The following USP40 variants were observed in gnomAD, a reference collection of about 807,000 sequenced individuals.
USP40 encodes the protein ubiquitin specific peptidase 40.
In USP40, 143 loss-of-function variants were observed where a neutral mutation model predicts 166.2. The ratio of observed to expected loss-of-function variants is 0.86; its 90% CI spans 0.75 to 0.99. USP40 has a LOEUF of 0.99. USP40 is among the 50% of genes least tolerant of loss of function. USP40 has a pLI of 0.00. For missense variants in USP40, 1,444 were observed against 1,479.7 expected (o/e 0.98, Z 0.40); for synonymous variants, 498 against 524.0 (o/e 0.95, Z 0.68).
chr2:233,564,384 G>A (rs1046610951), intron 2 of USP40, among the ~76,000 whole-genome samples: 1 of 152,144 alleles, frequency 6.6e-6, no homozygotes, highest in Non-Finnish European at 1.5e-5. Context: ...AGGGCCAGGT[G>A]AAGGCAAAGT....
chr2:233,487,322 G>T (rs1042491190), intron 28 of USP40, among the ~76,000 whole-genome samples: 3 of 152,156 alleles, frequency 2.0e-5, no homozygotes, highest in Admixed American at 6.5e-5. Flanking sequence ...ATACCTAGAC[G>T]ATGAAATAGT....
intron 27 of USP40, 83 bp downstream of exon 27, chr2:233,489,282 A>G: frequency 7.7e-7 from 1 of 1,301,884 alleles, no homozygotes; most frequent in Non-Finnish European, 1.1e-6. Flanking sequence ...TCAGCTCAGA[A>G]GACTGATTCC....
At chr2:233,538,922 A>G (rs1019155542) in intron 10 of USP40, among the ~76,000 whole-genome samples, 1 of 152,188 alleles carries the variant, frequency 6.6e-6, no homozygotes, top group African/African-American at 2.4e-5. Context: ...GCAACTACTC[A>G]GGAGGTTGAG....
At chr2:233,549,000 A>G in intron 8 of USP40, 101 bp downstream of exon 8, 6 of 1,190,950 alleles carry the variant, frequency 5.0e-6, no homozygotes, top group Non-Finnish European at 5.8e-6. Flanking sequence ...AGTTTTCTAT[A>G]GAGTGGATAT....
chr2:233,535,339 C>T (rs1241890171), intron 10 of USP40, among the ~76,000 whole-genome samples: 1 of 152,172 alleles, frequency 6.6e-6, no homozygotes, highest in African/African-American at 2.4e-5. Flanking sequence ...AGATAGCAAA[C>T]TTTTTCTTAA....
At chr2:233,489,239 C>A in intron 27 of USP40, 126 bp downstream of exon 27, 1 of 867,376 alleles carries the variant, frequency 1.2e-6, no homozygotes, top group Non-Finnish European at 1.9e-6. Flanking sequence ...AAGTCACAAG[C>A]GTGGCATGAC....
chr2:233,506,925 A>G (rs187103034), intron 21 of USP40, among the ~76,000 whole-genome samples: 46 of 152,064 alleles, frequency 3.0e-4, no homozygotes, highest in South Asian at 2.1e-4. Context: ...AAAATCTAAC[A>G]AAGAGTTAAT....
In USP40 at chr2:233,523,590, TC is replaced by T; in HGVS notation, c.1882-102del. 3 of 1,153,132 alleles carry T rather than the reference TC, an allele frequency of 2.6e-6. No individual in the cohort carries two copies. The South Asian group carries it at 5.4e-5, about 21-fold the overall frequency. 71.4% of individuals were successfully genotyped at this position (1,153,132 alleles called of 1,614,324 possible). A position where few individuals can be genotyped will look rare whatever the true frequency, so the allele number is the denominator to read the frequency against. On this transcript the variant is annotated intron_variant, in intron 15 of 31. Transcript: ENST00000678225. ...CTCTTAGAGAACAACCCTCATTTTTTCCAAGTAAAATAAAATTTTCACAAAT... is the reference window on the plus strand; with the variant it reads ...CTCTTAGAGAACAACCCTCATTTTTTCAAGTAAAATAAAATTTTCACAAAT...
chr2:233,506,850 G>A (rs1274991628), intron 21 of USP40, among the ~76,000 whole-genome samples: 1 of 151,688 alleles, frequency 6.6e-6, no homozygotes, highest in African/African-American at 2.4e-5. Flanking sequence ...GGTGGAGGTT[G>A]CAGTGAGCTG....
intron 30 of USP40, 86 bp from the exon 31 acceptor site, chr2:233,481,383 T>C (rs190587002): frequency 7.2e-5 from 82 of 1,143,590 alleles, no homozygotes; most frequent in African/African-American, 6.1e-4. Flanking sequence ...AAACTACCTA[T>C]ATTGACAAAA....
chr2:233,532,759 C>G (rs1317815061), intron 11 of USP40, among the ~76,000 whole-genome samples: 1 of 151,980 alleles, frequency 6.6e-6, no homozygotes, highest in South Asian at 2.1e-4. Flanking sequence ...CTGGGCAATA[C>G]AGCGAGACCC....
At position 233,519,643 on chromosome 2, in the gene USP40, A is replaced by T. The variant is rs1217018418; in HGVS notation, c.2354T>A (p.Ile785Lys). The T allele has an allele frequency of 4.2e-6, 6 of 1,433,384 alleles. No individual in the cohort carries two copies. The highest frequency in any genetic ancestry group is 5.7e-6 in the Non-Finnish European group (6 of 1,045,684). 88.8% of individuals were successfully genotyped at this position (1,433,384 alleles called of 1,614,324 possible). A position where few individuals can be genotyped will look rare whatever the true frequency, so the allele number is the denominator to read the frequency against. Residue 785 changes from isoleucine to lysine, a missense_variant, in exon 18 of 32, where the codon ATA (isoleucine) becomes AAA (lysine). Physicochemically the swap from Ile to Lys is moderately radical, Grantham distance 102. Coordinates refer to ENST00000678225, the MANE Select transcript of USP40 (RefSeq NM_001365479.2). The part of the protein sequence containing the change: ...TMVFDIRIKA[I>K]KELKLMKELA... ...TTCCTTCATTAATTTTAATTCCTTT[A>T]TGGCTTTAATTCGAATATCAAACAC...
rs2125020202 is a variant in USP40 at position 233,480,399 on chromosome 2, G to C, written c.3599+804C>G. 6.6e-6 allele frequency among the ~76,000 whole-genome samples: 1 copy of C among 152,364 alleles called. No homozygotes were observed. Among genetic ancestry groups the C allele is most frequent in the Non-Finnish European group, 1.5e-5 (1 of 68,034 alleles). ...AGGATGAGGACGCCTGGGGGCCTCT[G>C]GTGAGGCCTGCATGGAGCTGATGCC... On this transcript the variant is annotated intron_variant, in intron 31 of 31. Coordinates refer to ENST00000678225, the MANE Select transcript of USP40 (RefSeq NM_001365479.2). This position sits in a 1 kb window ranked among gnomAD's most constrained non-coding sequence, Gnocchi z 4.5.
rs2072050601 is a variant in USP40 at position 233,565,403 on chromosome 2, T to C, written c.152A>G (p.Tyr51Cys). The change falls in exon 2 of 32, where the codon TAC becomes TGC. Residue 51 changes from tyrosine to cysteine, a missense_variant. By Grantham distance (194) the Tyr-to-Cys change is radical. Coordinates refer to ENST00000678225, the MANE Select transcript of USP40 (RefSeq NM_001365479.2). ...AAGAGTCTGAAGAAGGGAATTGAGG[T>C]AACAGGTTCCACCCTGATTTCTGAT... ...SGIRNQGGTC[Y>C]LNSLLQTLHF... 2.6e-6 allele frequency: 4 copies of C among 1,537,126 alleles called. No individual in the cohort carries two copies. Among genetic ancestry groups the C allele is most frequent in the Non-Finnish European group, 3.5e-6 (4 of 1,146,864 alleles).
intron 30 of USP40, among the ~76,000 whole-genome samples, chr2:233,482,534 A>G (rs1050767592): frequency 9.6e-4 from 143 of 149,586 alleles, no homozygotes; most frequent in African/African-American, 3.5e-3. Context: ...CTAAACTAAC[A>G]CCAAACTGCT....
chr2:233,484,823 C>A (rs1176231409), intron 30 of USP40, among the ~76,000 whole-genome samples: 3 of 152,156 alleles, frequency 2.0e-5, no homozygotes, highest in Non-Finnish European at 4.4e-5. Flanking sequence ...TTTTCCTTTT[C>A]AAATTTCTTT....
chr2:233,538,001 G>T (rs767766680), intron 10 of USP40, among the ~76,000 whole-genome samples: 2 of 151,988 alleles, frequency 1.3e-5, no homozygotes, highest in Non-Finnish European at 2.9e-5. Context: ...AATATAAGAA[G>T]GCAATAGTAG....
rs1400507125 is a variant in USP40 at position 233,565,582 on chromosome 2, A to G, written c.-19-9T>C. Reference sequence around the variant, plus strand: ...TGAAACTAAATACTACCCTTAAAAAAAGTGACATATAAATGCTTTTATTTT... The same window carrying G: ...TGAAACTAAATACTACCCTTAAAAAGAGTGACATATAAATGCTTTTATTTT... On this transcript the variant is annotated splice_polypyrimidine_tract_variant and intron_variant, in intron 1 of 31. Coordinates refer to ENST00000678225, the MANE Select transcript of USP40 (RefSeq NM_001365479.2). 6.5e-7 allele frequency: 1 copy of G among 1,528,548 alleles called. No individual in the cohort carries two copies. Among genetic ancestry groups the G allele is most frequent in the South Asian group, 1.2e-5 (1 of 81,650 alleles). The allele number at this position is 1,528,548 out of a possible 1,614,324, so 94.7% of individuals were successfully genotyped here. A position where few individuals can be genotyped will look rare whatever the true frequency, so the allele number is the denominator to read the frequency against.
At chr2:233,487,971 C>T in intron 28 of USP40, 1 of 639,670 alleles carries the variant, frequency 1.6e-6, no homozygotes, top group Non-Finnish European at 3.0e-6. Flanking sequence ...GGGCCTCTTG[C>T]TGACACTTCA....
Sources: gnomAD v4.1 joint callset for allele counts (sites outside exome capture counted in the v4.1 genomes callset) on GRCh38, gnomAD v4.1.1 for gene constraint, Gnocchi (gnomAD v3.1) non-coding constraint, MANE v1.5 for transcripts, NCBI Gene and HGNC (gene_info 2026-07-23, HGNC 2026-07-21) for gene names.